CNBD2: variants seen among roughly 807,000 people sequenced by gnomAD.
CNBD2 encodes cyclic nucleotide-binding domain-containing protein 2.
In CNBD2, 64 loss-of-function variants were observed where a neutral mutation model predicts 63.7. The observed-to-expected ratio is 1.00, with a 90% confidence interval of 0.82 to 1.24. The LOEUF (loss-of-function observed/expected upper bound fraction) is 1.24, where lower values mean the gene tolerates loss of function less well. CNBD2 is among the 50% of genes most tolerant of loss of function. The pLI is 0.00. For missense variants in CNBD2, 691 were observed against 713.5 expected (o/e 0.97, Z 0.36); for synonymous variants, 229 against 255.4 (o/e 0.90, Z 0.99).
chr20:36,026,408 CT>C (rs559307099), intron 11 of CNBD2, among the ~76,000 whole-genome samples: 169 of 152,282 alleles, frequency 1.1e-3, no homozygotes, highest in African/African-American at 3.8e-3. Context: ...AGTCTCCTGC[CT>C]GCTGGATTCT....
chr20:35,963,934 T>C (rs2056326342), upstream of CNBD2, among the ~76,000 whole-genome samples: 2 of 152,306 alleles, frequency 1.3e-5, no homozygotes, highest in East Asian at 1.9e-4. Flanking sequence ...GTGAAGACTT[T>C]GGTGAATTAC....
At chr20:36,028,685 G>GTTTTTTTTT (rs148778050) in intron 11 of CNBD2, among the ~76,000 whole-genome samples, 3 of 140,142 alleles carry the variant, frequency 2.1e-5, no homozygotes, top group South Asian at 2.2e-4. Context: ...TCACGGGCTG[G>GTTTTTTTTT]TTTTTTTTGG....
downstream of CNBD2, among the ~76,000 whole-genome samples, chr20:35,957,526 T>A (rs2056268987): frequency 6.6e-6 from 1 of 152,198 alleles, no homozygotes; most frequent in African/African-American, 2.4e-5. Context: ...CTTTGGTATA[T>A]GCTTGAAAAT....
At chr20:36,004,052 A>C (rs995616372) in intron 8 of CNBD2, among the ~76,000 whole-genome samples, 2 of 152,174 alleles carry the variant, frequency 1.3e-5, no homozygotes, top group Non-Finnish European at 2.9e-5. Flanking sequence ...AGAATGAGAG[A>C]GAGCAACAGA....
At chr20:35,977,146 T>C (rs1351909850) in intron 3 of CNBD2, among the ~76,000 whole-genome samples, 1 of 152,126 alleles carries the variant, frequency 6.6e-6, no homozygotes, top group Non-Finnish European at 1.5e-5. Context: ...GCCACAGAAC[T>C]CTAGATATGA....
Position 35,975,937 on chromosome 20 carries a change from T to C in CNBD2, c.190-12T>C. 6.2e-7 allele frequency: 1 copy of C among 1,611,910 alleles called. No homozygotes were observed. The highest frequency in any genetic ancestry group is 8.5e-7 in the Non-Finnish European group (1 of 1,178,140). On this transcript the variant is annotated splice_polypyrimidine_tract_variant and intron_variant, in intron 2 of 11. Transcript: ENST00000373973. ...CTGATTCTCCCTCTTCTCCCTGCCC[T>C]CTTTCTTTCAGAAAAAGATGCAAAG...
At chr20:35,985,556 T>A (rs1190439092) in intron 6 of CNBD2, among the ~76,000 whole-genome samples, 3 of 150,616 alleles carry the variant, frequency 2.0e-5, no homozygotes, top group Non-Finnish European at 4.4e-5. Flanking sequence ...CATGATCTCA[T>A]CTCACTGCAA....
At chr20:36,006,857 A>G (rs370643514) in intron 8 of CNBD2, among the ~76,000 whole-genome samples, 1 of 152,126 alleles carries the variant, frequency 6.6e-6, no homozygotes, top group African/African-American at 2.4e-5. Flanking sequence ...GTTTTCTATC[A>G]TTATAGGTTA....
At chr20:36,014,934 T>G (rs970453501) in intron 10 of CNBD2, among the ~76,000 whole-genome samples, 2 of 152,142 alleles carry the variant, frequency 1.3e-5, no homozygotes, top group Non-Finnish European at 2.9e-5. Flanking sequence ...GTGCCTGGCC[T>G]CCATACTGTT....
At chr20:36,003,174 A>G (rs2056938998) in intron 8 of CNBD2, among the ~76,000 whole-genome samples, 1 of 152,158 alleles carries the variant, frequency 6.6e-6, no homozygotes, top group Non-Finnish European at 1.5e-5. Context: ...CTTAATATAC[A>G]CAATATTTTT....
chr20:35,969,536 T>C (rs1317201831), intron 1 of CNBD2, among the ~76,000 whole-genome samples: 1 of 152,190 alleles, frequency 6.6e-6, no homozygotes, highest in African/African-American at 2.4e-5. Flanking sequence ...CATGTGTATG[T>C]ATCCATAAAC....
chr20:36,002,626 C>T (rs1240571568), intron 8 of CNBD2, among the ~76,000 whole-genome samples: 1 of 152,120 alleles, frequency 6.6e-6, no homozygotes, highest in African/African-American at 2.4e-5. Flanking sequence ...TTTATATAAC[C>T]TTGTATATTT....
chr20:35,976,044 T>C (rs538195153), intron 3 of CNBD2, 42 bp downstream of exon 3: 3 of 1,556,982 alleles, frequency 1.9e-6, no homozygotes, highest in South Asian at 1.1e-5. Context: ...ATTTTCTTTC[T>C]GCACCCTGGC....
chr20:36,017,058 CAAA>C (rs35383989), intron 10 of CNBD2, among the ~76,000 whole-genome samples: 22,620 of 105,168 alleles, frequency 0.22, 1,896 homozygotes, highest in Middle Eastern at 0.28. Flanking sequence ...GAGCCTGTCT[CAAA>C]AAAAAAAAAA....
At chr20:35,985,299 C>A (rs1331156794) in intron 6 of CNBD2, among the ~76,000 whole-genome samples, 1 of 151,564 alleles carries the variant, frequency 6.6e-6, no homozygotes, top group Non-Finnish European at 1.5e-5. Context: ...GTCCTAGTAG[C>A]TAGGACTGTA....
upstream of CNBD2, among the ~76,000 whole-genome samples, chr20:35,967,914 G>C (rs2056360014): frequency 6.6e-6 from 1 of 152,194 alleles, no homozygotes; most frequent in Non-Finnish European, 1.5e-5. Flanking sequence ...CTTAGCTTAG[G>C]AGAGTTCTTG....
At chr20:36,002,003 G>C (rs2056917568) in intron 8 of CNBD2, among the ~76,000 whole-genome samples, 1 of 152,344 alleles carries the variant, frequency 6.6e-6, no homozygotes, top group Admixed American at 6.5e-5. Context: ...GTGGCGGCCG[G>C]GCAGAGGCTG....
downstream of CNBD2, among the ~76,000 whole-genome samples, chr20:35,959,241 G>A (rs958552350): frequency 6.6e-6 from 1 of 152,154 alleles, no homozygotes; most frequent in Non-Finnish European, 1.5e-5. Flanking sequence ...TTTTAAAACC[G>A]ATGGTTATGA....
At chr20:36,020,710 G>A (rs1485231238) in intron 10 of CNBD2, among the ~76,000 whole-genome samples, 1 of 152,104 alleles carries the variant, frequency 6.6e-6, no homozygotes, top group Non-Finnish European at 1.5e-5. Context: ...TCCAGAGTAG[G>A]AGCTGGCTAA....
Sources: gnomAD v4.1 joint callset for allele counts (sites outside exome capture counted in the v4.1 genomes callset) on GRCh38, gnomAD v4.1.1 for gene constraint, MANE v1.5 for transcripts, NCBI Gene and HGNC (gene_info 2026-07-23, HGNC 2026-07-21) for gene names.